Variants in LIN9 observed in about 807,000 individuals in gnomAD.
The protein encoded by LIN9 is lin-9 DREAM MuvB core complex component.
Under a neutral mutation model 78.0 loss-of-function variants are expected in LIN9, and 18 were observed. The observed-to-expected ratio is 0.23, with a 90% CI of 0.16 to 0.34. The LOEUF (loss-of-function observed/expected upper bound fraction) is 0.34, where lower values mean the gene tolerates loss of function less well. LIN9 is among the 10% of genes least tolerant of loss of function. LIN9 has a pLI of 1.00. For missense variants in LIN9, 451 were observed against 644.1 expected (o/e 0.70, Z 3.25); for synonymous variants, 192 against 215.2 (o/e 0.89, Z 0.94).
At chr1:226,289,218 G>C (rs1055369285) in intron 4 of LIN9, among the ~76,000 whole-genome samples, 1 of 151,234 alleles carries the variant, frequency 6.6e-6, no homozygotes, top group African/African-American at 2.4e-5. Context: ...CTGGGCGACA[G>C]AGTGAGACTC....
At chr1:226,309,299 C>A, upstream of LIN9, 1 of 1,045,504 alleles carries the variant, frequency 9.6e-7, no homozygotes, top group Non-Finnish European at 1.2e-6. Flanking sequence ...CGGCTCCGCC[C>A]GCGCCTGCCC....
intron 6 of LIN9, among the ~76,000 whole-genome samples, chr1:226,279,586 A>G (rs1429339291): frequency 2.8e-5 from 4 of 144,088 alleles, no homozygotes; most frequent in Non-Finnish European, 6.0e-5. Context: ...AACATGGTGA[A>G]ACCTCATTTC....
intron 7 of LIN9, among the ~76,000 whole-genome samples, chr1:226,272,535 T>C (rs1660353868): frequency 6.9e-6 from 1 of 145,654 alleles, no homozygotes; most frequent in Non-Finnish European, 1.5e-5. Flanking sequence ...CTACCATGCT[T>C]GACCTTTTTT....
chr1:226,257,931 C>T (rs922480017), intron 10 of LIN9, among the ~76,000 whole-genome samples: 3 of 152,128 alleles, frequency 2.0e-5, no homozygotes, highest in Admixed American at 2.0e-4. Context: ...TGCCTATAAT[C>T]CCAGTACTTT....
intron 1 of LIN9, 150 bp downstream of exon 1, chr1:226,308,959 A>G (rs895334943): frequency 4.4e-6 from 3 of 687,526 alleles, no homozygotes; most frequent in Non-Finnish European, 6.1e-6. Context: ...ACGCGGCGGC[A>G]ACACCGGAGT....
intron 6 of LIN9, among the ~76,000 whole-genome samples, chr1:226,281,151 T>G (rs1367022791): frequency 6.6e-6 from 1 of 152,178 alleles, no homozygotes; most frequent in Non-Finnish European, 1.5e-5. Flanking sequence ...TTATGCTAAG[T>G]GTAATAAGCC....
rs201671299 is a variant in LIN9 at position 226,266,250 on chromosome 1, C to T, written c.899G>A (p.Arg300Gln). Residue 300 changes from arginine (R) to glutamine (Q), a missense_variant, in exon 9 of 15, where the codon CGG becomes CAG. Physicochemically the swap from Arg to Gln is conservative, Grantham distance 43. Transcript: ENST00000681046. ...CTGGAGAGGAGGAGTATAATGTAAC[C>T]GTGGTGGGGTCATAAAAAATCGAGA... Reference protein sequence around the residue: ...RPSRFFMTPPRLHYTPPLQSP... With the variant: ...RPSRFFMTPPQLHYTPPLQSP... 33 of 1,594,044 alleles carry T rather than the reference C, an allele frequency of 2.1e-5. No homozygotes were observed. Among genetic ancestry groups the T allele is most frequent in the South Asian group, 1.0e-4 (9 of 88,462 alleles).
intron 6 of LIN9, among the ~76,000 whole-genome samples, chr1:226,280,278 T>C (rs184818558): frequency 8.7e-4 from 133 of 152,250 alleles, no homozygotes; most frequent in African/African-American, 3.0e-3. Context: ...AAAAAGGATA[T>C]AAAGACCAGC....
chr1:226,245,933 TC>T (rs1312759176), intron 11 of LIN9, among the ~76,000 whole-genome samples: 1 of 152,220 alleles, frequency 6.6e-6, no homozygotes, highest in Non-Finnish European at 1.5e-5. Flanking sequence ...TAAATATTCA[TC>T]TTTTACTATT....
intron 11 of LIN9, among the ~76,000 whole-genome samples, chr1:226,242,257 T>C (rs1423703265): frequency 2.0e-5 from 3 of 152,202 alleles, no homozygotes; most frequent in Non-Finnish European, 4.4e-5. Context: ...CCAACACATA[T>C]GTATATGTAT....
At chr1:226,277,216 GAAAA>G (rs71168975) in intron 7 of LIN9, among the ~76,000 whole-genome samples, 1 of 91,464 alleles carries the variant, frequency 1.1e-5, no homozygotes, top group Non-Finnish European at 2.2e-5. Context: ...GTCTCAAAAA[GAAAA>G]AAAAAAAAAA....
chr1:226,233,924 T>C (rs1175073014), intron 12 of LIN9, among the ~76,000 whole-genome samples: 2 of 152,224 alleles, frequency 1.3e-5, no homozygotes, highest in Admixed American at 6.5e-5. Flanking sequence ...TTCCTTGGTA[T>C]TTTTGAAGAG....
intron 10 of LIN9, among the ~76,000 whole-genome samples, chr1:226,260,251 A>G (rs1381867183): frequency 6.6e-6 from 1 of 152,234 alleles, no homozygotes; most frequent in African/African-American, 2.4e-5. Flanking sequence ...AATTCTACTA[A>G]ACATTTGAGG....
At chr1:226,280,691 C>T (rs1328860342) in intron 6 of LIN9, among the ~76,000 whole-genome samples, 1 of 152,132 alleles carries the variant, frequency 6.6e-6, no homozygotes, top group African/African-American at 2.4e-5. Flanking sequence ...AGGAGAGTCG[C>T]TTGAACCTGG....
intron 4 of LIN9, among the ~76,000 whole-genome samples, chr1:226,289,559 C>T (rs981494242): frequency 2.6e-5 from 4 of 151,938 alleles, no homozygotes; most frequent in Admixed American, 1.3e-4. Context: ...GACGGGCTCT[C>T]GCTATGTTAC....
At chr1:226,236,627 T>C (rs1657735038) in intron 12 of LIN9, among the ~76,000 whole-genome samples, 1 of 152,102 alleles carries the variant, frequency 6.6e-6, no homozygotes, top group Non-Finnish European at 1.5e-5. Flanking sequence ...AGCTAATTTT[T>C]TTTGTATTTT....
In LIN9 at chr1:226,250,908, T is replaced by G. The variant is rs751159351; in HGVS notation, c.1050A>C (p.Ser350=). ...VEFLIQVTRL[S]KILMIKKEHI... The stretch of plus-strand genomic sequence containing the variant: ...GTTCCTTTTTAATCATGAGAATTTT[T>G]GATAATCTGGTCTACAGACAAAGAA... Residue 350 remains serine (S), a synonymous_variant, in exon 11 of 15, where the codon TCA becomes TCC. Coordinates refer to ENST00000681046, the MANE Select transcript of LIN9 (RefSeq NM_001366245.2). 1 of 1,508,592 alleles carries G rather than the reference T, an allele frequency of 6.6e-7. No homozygotes were observed. The highest frequency in any genetic ancestry group is 1.4e-5 in the African/African-American group (1 of 72,518). The allele number at this position is 1,508,592 out of a possible 1,614,324, so 93.5% of individuals were successfully genotyped here.
chr1:226,289,771 T>C lies in LIN9; in HGVS notation c.265-1974A>G, dbSNP rs945727241. ...TTTAGCTTTGATGAAGGCAGCATTT[T>C]AAATCAATGTTTAAAAAGATGGATT... On this transcript the variant is annotated intron_variant, in intron 4 of 14. Coordinates refer to ENST00000681046, the MANE Select transcript of LIN9 (RefSeq NM_001366245.2). Among the ~76,000 whole-genome samples, 8 of 137,826 alleles carry C rather than the reference T, an allele frequency of 5.8e-5. No homozygotes were observed. In the Admixed American group the frequency reaches 7.0e-4, roughly 12 times the overall value. The allele number at this position is 137,826 out of a possible 152,430, so 90.4% of individuals were successfully genotyped here. A position where few individuals can be genotyped will look rare whatever the true frequency, so the allele number is the denominator to read the frequency against.
chr1:226,307,679 A>G (rs1436385747), intron 1 of LIN9, among the ~76,000 whole-genome samples: 3 of 152,218 alleles, frequency 2.0e-5, no homozygotes, highest in Non-Finnish European at 4.4e-5. Flanking sequence ...ATTGTATTCT[A>G]CAAATAAACA....
Sources: allele counts gnomAD v4.1 joint callset (sites outside exome capture counted in the v4.1 genomes callset), GRCh38; gene constraint gnomAD v4.1.1; transcripts MANE v1.5; gene names NCBI Gene and HGNC (gene_info 2026-07-23, HGNC 2026-07-21).